HELZ2: variants seen among roughly 807,000 people sequenced by gnomAD.
The protein encoded by HELZ2 is 3'-5' exoribonuclease HELZ2.
HELZ2 carries 143 observed loss-of-function variants against 208.8 expected under a neutral mutation model. The ratio of observed to expected loss-of-function variants is 0.68; its 90% CI spans 0.60 to 0.79. HELZ2 has a LOEUF of 0.79. HELZ2 is among the 30% of genes least tolerant of loss of function. HELZ2 has a pLI of 0.00. For synonymous variants in HELZ2, 1,705 were observed against 1,693.7 expected (o/e 1.01, Z -0.16); for missense variants, 3,690 against 3,794.5 (o/e 0.97, Z 0.72).
exon 6 of HELZ2, chr20:63,567,238 G>A: frequency 6.2e-7 from 1 of 1,608,312 alleles, no homozygotes; most frequent in Non-Finnish European, 8.5e-7. Flanking sequence ...CCGGGCCCTG[G>A]CCACACTGAA....
exon 2 of HELZ2, chr20:63,570,863 T>C: frequency 1.3e-6 from 2 of 1,589,734 alleles, no homozygotes; most frequent in Non-Finnish European, 8.6e-7. Flanking sequence ...CTCACAGAGG[T>C]CAGGCCTGGG....
chr20:63,570,797 C>T (rs144441034), exon 2 of HELZ2: 124 of 1,610,986 alleles, frequency 7.7e-5, no homozygotes, highest in African/African-American at 5.9e-4. Flanking sequence ...CTGCGTGCGC[C>T]GGACCCACTC....
chr20:63,567,246 G>A lies in HELZ2; in HGVS notation c.2112C>T (p.Phe704=), dbSNP rs1467575794. Reference sequence around the variant, plus strand: ...CGGCCGCCCGGGCCCTGGCCACACTGAACAGCCGGGGTGTGACCTGCATGT... The same window carrying A: ...CGGCCGCCCGGGCCCTGGCCACACTAAACAGCCGGGGTGTGACCTGCATGT... The change falls in exon 6 of 19, where the codon TTC becomes TTT. Residue 704 remains phenylalanine, a synonymous_variant. Transcript: ENST00000467148. 1.9e-6 allele frequency: 3 copies of A among 1,608,496 alleles called. No homozygotes were observed. In the South Asian group the frequency reaches 3.3e-5, roughly 18 times the overall value.
intron 12 of HELZ2, 54 bp downstream of exon 13, chr20:63,561,547 C>T: frequency 2.5e-6 from 4 of 1,577,678 alleles, no homozygotes; most frequent in Non-Finnish European, 8.6e-7. Context: ...CTACACAGGA[C>T]TGTCTGGACA....
chr20:63,564,714 C>T (rs758350036), exon 8 of HELZ2: 11 of 1,608,556 alleles, frequency 6.8e-6, no homozygotes, highest in Non-Finnish European at 9.3e-6. Flanking sequence ...GTGATGTGCA[C>T]AGCCACCTCG....
Position 63,563,279 on chromosome 20 carries a change from T to C in HELZ2, c.5543A>G (p.Gln1848Arg), listed in dbSNP as rs1040613066. The change falls in exon 8 of 19, where the codon CAG becomes CGG. Residue 1848 changes from glutamine (Q) to arginine (R), a missense_variant. Coordinates refer to ENST00000467148, the Ensembl canonical transcript of HELZ2. ...CCGCTGGGACGCCTCGCCCTTCTCC[T>C]GGATGAGAGCAGCCGCCTCCGGCCA... The C allele has an allele frequency of 3.0e-5, 46 of 1,553,844 alleles. No homozygotes were observed. Among genetic ancestry groups the C allele is most frequent in the Admixed American group, 7.4e-5 (4 of 53,954 alleles).
exon 14 of HELZ2, chr20:63,561,117 G>A: frequency 6.2e-7 from 1 of 1,612,916 alleles, no homozygotes; most frequent in Non-Finnish European, 8.5e-7. Context: ...AGGGGGATGA[G>A]GGTTTCAGGT....
At chr20:63,564,009 G>T in exon 8 of HELZ2, 1 of 1,604,724 alleles carries the variant, frequency 6.2e-7, no homozygotes. Context: ...AACTGGACCT[G>T]CTTCCAGAGG....
chr20:63,564,628 G>A (rs1248921099), exon 8 of HELZ2: 2 of 1,567,566 alleles, frequency 1.3e-6, no homozygotes, highest in Non-Finnish European at 8.6e-7. Flanking sequence ...CCCTGCCGGG[G>A]GCATAGAACG....
downstream of HELZ2, chr20:63,558,936 C>A (rs1326511181): frequency 3.6e-6 from 1 of 277,938 alleles, no homozygotes; most frequent in Non-Finnish European, 6.8e-6. Flanking sequence ...AAAGGGCAGC[C>A]TCCACAGGGT....
At chr20:63,563,909 A>G in exon 8 of HELZ2, 1 of 1,594,918 alleles carries the variant, frequency 6.3e-7, no homozygotes, top group Non-Finnish European at 8.6e-7. Flanking sequence ...GGCCTTGCGG[A>G]GGTCGCGGCC....
chr20:63,562,558 C>T (rs1227675657), exon 8 of HELZ2: 4 of 1,596,618 alleles, frequency 2.5e-6, no homozygotes, highest in East Asian at 2.3e-5. Flanking sequence ...CAACGGTGAA[C>T]AGGGTGCCCG....
At chr20:63,563,279 T>A in exon 8 of HELZ2, 1 of 1,553,842 alleles carries the variant, frequency 6.4e-7, no homozygotes, top group Non-Finnish European at 8.6e-7. Context: ...GCCCTTCTCC[T>A]GGATGAGAGC....
chr20:63,572,258 G>A lies in HELZ2; in HGVS notation c.128C>T (p.Pro43Leu), dbSNP rs949945449. Residue 43 changes from proline (P) to leucine (L), a missense_variant, in exon 1 of 19, where the codon CCG (proline) becomes CTG (leucine). Physicochemically the swap from Pro to Leu is moderately conservative, Grantham distance 98 (BLOSUM62 -3). This residue lies in a region of HELZ2 where 1,119 missense variants were observed against 1,193.4 expected (regional missense o/e 0.94). Coordinates refer to ENST00000467148, the Ensembl canonical transcript of HELZ2. Reference sequence around the variant, plus strand: ...AGAGTGGCAGGTGACCAAGCAGGCCGGGCAGTACAGCTGGGCCCCAGGGGG... The same window carrying A: ...AGAGTGGCAGGTGACCAAGCAGGCCAGGCAGTACAGCTGGGCCCCAGGGGG... 7.6e-6 allele frequency: 12 copies of A among 1,586,286 alleles called. No homozygotes were observed. In the South Asian group the frequency reaches 8.0e-5, roughly 11 times the overall value.
chr20:63,560,846 C>T (rs962602617), exon 15 of HELZ2: 2 of 1,613,184 alleles, frequency 1.2e-6, no homozygotes, highest in Non-Finnish European at 8.5e-7. Flanking sequence ...ACCGCTCGAA[C>T]AGAGACCGGT....
At chr20:63,564,044 T>G in exon 8 of HELZ2, 1 of 1,605,046 alleles carries the variant, frequency 6.2e-7, no homozygotes, top group Non-Finnish European at 8.5e-7. Context: ...CAGCCGCGTG[T>G]CGGGGGGACT....
chr20:63,564,298 C>G, exon 8 of HELZ2: 1 of 1,606,780 alleles, frequency 6.2e-7, no homozygotes, highest in Non-Finnish European at 8.5e-7. Flanking sequence ...CGTCCGGCTG[C>G]TCATAGAAGC....
chr20:63,566,807 G>T (rs750591539), intron 6 of HELZ2, 37 bp downstream of exon 7: 2 of 1,540,078 alleles, frequency 1.3e-6, no homozygotes, highest in Non-Finnish European at 1.7e-6. Flanking sequence ...CCCAGCAGGG[G>T]TGCGGTCGGG....
rs745758227 is a variant in HELZ2 at position 63,561,070 on chromosome 20, C to A, written c.7146+12G>T. ...CGCCTGCTCATGCTGCCCACACCCCCCGCCGACCAACCTTCTCGGCCTGTG... is the reference window on the plus strand; with the variant it reads ...CGCCTGCTCATGCTGCCCACACCCCACGCCGACCAACCTTCTCGGCCTGTG... On this transcript the variant is annotated intron_variant, in intron 14 of 18. Coordinates refer to ENST00000467148, the Ensembl canonical transcript of HELZ2. 1 of 1,606,258 alleles carries A rather than the reference C, an allele frequency of 6.2e-7. No homozygotes were observed. Among genetic ancestry groups the A allele is most frequent in the East Asian group, 2.2e-5 (1 of 44,804 alleles).
Sources: gnomAD v4.1 joint callset for allele counts on GRCh38, gnomAD v4.1.1 for gene constraint, gnomAD v4.1.1 regional missense constraint, MANE v1.5 for transcripts, NCBI Gene and HGNC (gene_info 2026-07-23, HGNC 2026-07-21) for gene names.